The following GALNT2 variants were observed in gnomAD, a reference collection of about 807,000 sequenced individuals.
The protein encoded by GALNT2 is polypeptide N-acetylgalactosaminyltransferase 2.
Under a neutral mutation model 81.4 loss-of-function variants are expected in GALNT2, and 31 were observed. That is an observed-to-expected ratio of 0.38 (90% confidence interval 0.29 to 0.51). The LOEUF (loss-of-function observed/expected upper bound fraction) is 0.51. GALNT2 is among the 20% of genes least tolerant of loss of function. The pLI, the probability that GALNT2 is intolerant of heterozygous loss-of-function variation, is 0.87. For missense variants in GALNT2, 629 were observed against 765.7 expected (o/e 0.82, Z 2.11); for synonymous variants, 303 against 287.4 (o/e 1.05, Z -0.55).
chr1:230,249,498 T>TC (rs1558160714), intron 9 of GALNT2, among the ~76,000 whole-genome samples: 1 of 152,222 alleles, frequency 6.6e-6, no homozygotes, highest in African/African-American at 2.4e-5. Context: ...ATAAGGCCTA[T>TC]CTGCTAGGTC....
chr1:230,247,106 G>A (rs917902799), intron 8 of GALNT2, among the ~76,000 whole-genome samples: 1 of 151,542 alleles, frequency 6.6e-6, no homozygotes, highest in East Asian at 1.9e-4. Context: ...TTAGCTGCGT[G>A]TGATGGCATG....
At chr1:230,095,195 G>A (rs1196001950) in intron 1 of GALNT2, among the ~76,000 whole-genome samples, 1 of 152,068 alleles carries the variant, frequency 6.6e-6, no homozygotes, top group African/African-American at 2.4e-5. Flanking sequence ...GCAGACCCGC[G>A]GGGCTGTGAC....
At chr1:230,276,392 C>T (rs1023280537) in intron 15 of GALNT2, among the ~76,000 whole-genome samples, 1 of 152,092 alleles carries the variant, frequency 6.6e-6, no homozygotes, top group African/African-American at 2.4e-5. Flanking sequence ...ACAGTCGGTC[C>T]TTAGAGATAG....
chr1:230,252,966 C>T (rs1487676952), intron 10 of GALNT2, among the ~76,000 whole-genome samples: 2 of 150,580 alleles, frequency 1.3e-5, no homozygotes, highest in African/African-American at 2.4e-5. Context: ...CCTGCCTCAG[C>T]CTCCCAAGTA....
chr1:230,227,912 C>T (rs7527162), intron 3 of GALNT2, among the ~76,000 whole-genome samples: 1 of 151,926 alleles, frequency 6.6e-6, no homozygotes, highest in Non-Finnish European at 1.5e-5. Flanking sequence ...AGATGTGTAA[C>T]GAATGGAAAG....
intron 2 of GALNT2, among the ~76,000 whole-genome samples, chr1:230,179,510 A>T (rs1322179769): frequency 1.3e-5 from 2 of 152,192 alleles, no homozygotes; most frequent in Admixed American, 6.5e-5. Flanking sequence ...GGTGTGGAGT[A>T]GTATTTCACT....
chr1:230,158,621 AT>A (rs1662334079), intron 1 of GALNT2, among the ~76,000 whole-genome samples: 1 of 152,316 alleles, frequency 6.6e-6, no homozygotes, highest in African/African-American at 2.4e-5. Context: ...GAGATGCCCC[AT>A]GGGACAGAAG....
intron 1 of GALNT2, among the ~76,000 whole-genome samples, chr1:230,059,660 T>C (rs1487846358): frequency 6.6e-6 from 1 of 152,200 alleles, no homozygotes; most frequent in Non-Finnish European, 1.5e-5. Context: ...GGTCACCATA[T>C]TGCATGTAAA....
Position 230,274,322 on chromosome 1 carries a change from A to G in GALNT2, c.1441-123A>G, listed in dbSNP as rs188536482. 434 of 1,306,408 alleles carry G rather than the reference A, an allele frequency of 3.3e-4. 4 individuals carry two copies. In the African/African-American group the frequency reaches 6.0e-3, roughly 18 times the overall value. The allele number at this position is 1,306,408 out of a possible 1,614,324, so 80.9% of individuals were successfully genotyped here. On this transcript the variant is annotated intron_variant, in intron 14 of 15. Transcript: ENST00000366672. ...TAATTGTTTCGTTCTCAGTTGGCTC[A>G]GGGGTTCTGAATCTAAGCTCCACCC...
chr1:230,133,183 A>G (rs757628696), intron 1 of GALNT2, among the ~76,000 whole-genome samples: 3 of 152,164 alleles, frequency 2.0e-5, no homozygotes, highest in Non-Finnish European at 4.4e-5. Context: ...GTAACTTATG[A>G]TGAACCTTTT....
intron 2 of GALNT2, among the ~76,000 whole-genome samples, chr1:230,192,486 T>C (rs1320974324): frequency 6.6e-6 from 1 of 152,206 alleles, no homozygotes; most frequent in African/African-American, 2.4e-5. Context: ...ATATTATTAC[T>C]GATATTTAGG....
intron 15 of GALNT2, among the ~76,000 whole-genome samples, chr1:230,277,833 A>C (rs892062830): frequency 1.3e-5 from 2 of 152,174 alleles, no homozygotes; most frequent in Non-Finnish European, 2.9e-5. Context: ...CAGTTGGAAC[A>C]TTTGGTTTCC....
chr1:230,267,465 C>T (rs1275784839), intron 14 of GALNT2, among the ~76,000 whole-genome samples: 1 of 152,228 alleles, frequency 6.6e-6, no homozygotes, highest in Non-Finnish European at 1.5e-5. Flanking sequence ...GGCAGGACTG[C>T]ATGCCATTCC....
At chr1:230,128,896 G>A (rs1255573760) in intron 1 of GALNT2, among the ~76,000 whole-genome samples, 1 of 152,230 alleles carries the variant, frequency 6.6e-6, no homozygotes, top group Non-Finnish European at 1.5e-5. Context: ...CCTCAGCACT[G>A]TTGAGAGCAG....
chr1:230,210,623 T>G (rs749050614), intron 3 of GALNT2, among the ~76,000 whole-genome samples: 1 of 152,266 alleles, frequency 6.6e-6, no homozygotes, highest in South Asian at 2.1e-4. Flanking sequence ...TTTACTCTAG[T>G]TACAGATTAT....
intron 3 of GALNT2, among the ~76,000 whole-genome samples, chr1:230,225,713 G>A (rs919157700): frequency 2.0e-5 from 3 of 149,980 alleles, no homozygotes; most frequent in Non-Finnish European, 4.4e-5. Flanking sequence ...GTGCTATATG[G>A]TCCATACCAG....
Position 230,237,025 on chromosome 1 carries a change from T to C in GALNT2, c.607+300T>C, listed in dbSNP as rs182538597. Among the ~76,000 whole-genome samples the C allele has an allele frequency of 8.5e-5, 13 of 152,340 alleles. No individual in the cohort carries two copies. The East Asian group carries it at 2.5e-3, about 29-fold the overall frequency. ...TATCAGTCCCTTGAATACAAAAGTT[T>C]AGAAGAAAAACAAAGATTTAGCAAT... is the stretch of plus-strand genomic sequence containing the variant. On this transcript the variant is annotated intron_variant, in intron 6 of 15. Coordinates refer to ENST00000366672, the MANE Select transcript of GALNT2 (RefSeq NM_004481.5).
chr1:230,172,389 C>T (rs536712543), intron 1 of GALNT2, among the ~76,000 whole-genome samples: 5 of 152,282 alleles, frequency 3.3e-5, no homozygotes, highest in East Asian at 1.9e-4. Context: ...CAGCCCTGGC[C>T]GAAATCTTTG....
chr1:230,065,403 C>A (rs1028454955), upstream of GALNT2, among the ~76,000 whole-genome samples: 9 of 152,154 alleles, frequency 5.9e-5, no homozygotes, highest in African/African-American at 2.2e-4. Flanking sequence ...GTCTTCAGTT[C>A]TTGAAATTTC....
Sources: allele counts gnomAD v4.1 joint callset (sites outside exome capture counted in the v4.1 genomes callset), GRCh38; gene constraint gnomAD v4.1.1; transcripts MANE v1.5; gene names NCBI Gene and HGNC (gene_info 2026-07-23, HGNC 2026-07-21).